The following PAPSS1 variants were observed in gnomAD, a reference collection of about 807,000 sequenced individuals.
PAPSS1 encodes the protein bifunctional 3'-phosphoadenosine 5'-phosphosulfate synthase 1.
PAPSS1 carries 50 observed loss-of-function variants against 72.0 expected under a neutral mutation model. That is an observed-to-expected ratio of 0.69 (90% CI 0.55 to 0.88). The LOEUF (loss-of-function observed/expected upper bound fraction) is 0.88, where lower values mean the gene tolerates loss of function less well. PAPSS1 is among the 40% of genes least tolerant of loss of function. The pLI, the probability that PAPSS1 is intolerant of heterozygous loss-of-function variation, is 0.00. For synonymous variants in PAPSS1, 261 were observed against 263.6 expected (o/e 0.99, Z 0.09); for missense variants, 657 against 782.2 (o/e 0.84, Z 1.91).
intron 2 of PAPSS1, among the ~76,000 whole-genome samples, chr4:107,698,940 G>C (rs1187837634): frequency 6.6e-6 from 1 of 151,954 alleles, no homozygotes; most frequent in Non-Finnish European, 1.5e-5. Context: ...AACTGACCTG[G>C]GGGAAGGGAA....
intron 2 of PAPSS1, among the ~76,000 whole-genome samples, chr4:107,696,298 C>T (rs113569775): frequency 0.016 from 2,373 of 152,150 alleles, 68 homozygotes; most frequent in African/African-American, 0.053. Flanking sequence ...GCACTATTTA[C>T]AATAGCAAAA....
intron 7 of PAPSS1, among the ~76,000 whole-genome samples, chr4:107,656,695 A>G (rs1490492989): frequency 6.6e-6 from 1 of 152,198 alleles, no homozygotes; most frequent in Admixed American, 6.5e-5. Flanking sequence ...TTTGCAATAA[A>G]TAAGAGTCAG....
intron 10 of PAPSS1, among the ~76,000 whole-genome samples, chr4:107,642,091 T>A (rs768663453): frequency 1.3e-5 from 2 of 152,084 alleles, no homozygotes; most frequent in African/African-American, 2.4e-5. Context: ...ACAAAGAATA[T>A]CACAACCCAC....
intron 11 of PAPSS1, among the ~76,000 whole-genome samples, chr4:107,618,608 C>G (rs28411252): frequency 0.24 from 36,383 of 151,568 alleles, 4,981 homozygotes; most frequent in Middle Eastern, 0.33. Context: ...TGGAGAGAGA[C>G]AGAAATGATT....
chr4:107,618,852 G>T (rs565293820), intron 11 of PAPSS1, among the ~76,000 whole-genome samples: 1 of 152,196 alleles, frequency 6.6e-6, no homozygotes, highest in Non-Finnish European at 1.5e-5. Context: ...TATGGAGGGG[G>T]TCCAGATAGC....
intron 9 of PAPSS1, among the ~76,000 whole-genome samples, chr4:107,649,504 A>C (rs1435934026): frequency 2.0e-5 from 3 of 152,196 alleles, no homozygotes; most frequent in Non-Finnish European, 4.4e-5. Flanking sequence ...TTATGCTCAA[A>C]GCCTCATCTG....
intron 11 of PAPSS1, among the ~76,000 whole-genome samples, chr4:107,629,775 T>C (rs1240446165): frequency 6.6e-6 from 1 of 152,208 alleles, no homozygotes; most frequent in African/African-American, 2.4e-5. Context: ...GCTTGTTGAC[T>C]TTCTGGAGGG....
rs749838670 is a variant in PAPSS1 at position 107,631,670 on chromosome 4, T to C, written c.1697A>G (p.Asn566Ser). The C allele has an allele frequency of 1.2e-6, 2 of 1,614,050 alleles. No homozygotes were observed. Among genetic ancestry groups the C allele is most frequent in the Admixed American group, 1.7e-5 (1 of 60,012 alleles). The change falls in exon 11 of 12, where the codon AAC (asparagine) becomes AGC (serine). Residue 566 changes from asparagine (N) to serine (S), a missense_variant. Around this residue, in one of 7 missense-constraint regions of PAPSS1, gnomAD observed 103 missense variants for 93.8 expected, o/e 1.10. Coordinates refer to ENST00000265174, the MANE Select transcript of PAPSS1 (RefSeq NM_005443.5). ...GTAGTCCATACGCTTCTTTTTCTTGTTGTAAGCTGCAACTCGAAAGGGAAC... is the reference window on the plus strand; with the variant it reads ...GTAGTCCATACGCTTCTTTTTCTTGCTGTAAGCTGCAACTCGAAAGGGAAC... Reference protein sequence around the residue: ...EIVPFRVAAYNKKKKRMDYYD... With the variant: ...EIVPFRVAAYSKKKKRMDYYD...
chr4:107,634,955 G>C lies in PAPSS1; in HGVS notation c.1507-3095C>G, dbSNP rs1038929589. Among the ~76,000 whole-genome samples, 3 of 149,564 alleles carry C rather than the reference G, an allele frequency of 2.0e-5. No homozygotes were observed. In the Admixed American group the frequency reaches 2.0e-4, roughly 10 times the overall value. On this transcript the variant is annotated intron_variant, in intron 10 of 11. Transcript: ENST00000265174. ...TGGGACTACAGGCGCCCGCTACCAC[G>C]CCCAGCTAATTTTTTTGTATTTTTA...
At chr4:107,650,740 G>A (rs1270559417) in intron 9 of PAPSS1, among the ~76,000 whole-genome samples, 1 of 152,064 alleles carries the variant, frequency 6.6e-6, no homozygotes, top group Non-Finnish European at 1.5e-5. Flanking sequence ...TGACTCCATG[G>A]TTGGATGAGA....
At chr4:107,652,133 A>C (rs974894686) in intron 9 of PAPSS1, among the ~76,000 whole-genome samples, 2 of 152,180 alleles carry the variant, frequency 1.3e-5, no homozygotes, top group African/African-American at 4.8e-5. Flanking sequence ...TATATACCCC[A>C]AAAAGGCAAA....
intron 5 of PAPSS1, among the ~76,000 whole-genome samples, chr4:107,667,320 A>G (rs1321532646): frequency 1.3e-5 from 2 of 152,144 alleles, no homozygotes; most frequent in Non-Finnish European, 2.9e-5. Context: ...TACTGAGTCT[A>G]TAAGAAACTG....
intron 1 of PAPSS1, among the ~76,000 whole-genome samples, chr4:107,708,322 C>A (rs920290912): frequency 1.1e-4 from 16 of 152,276 alleles, no homozygotes; most frequent in Non-Finnish European, 7.4e-5. Context: ...AGTGGCACCT[C>A]TTTAGCTTTA....
At chr4:107,653,345 A>G (rs1726907165) in intron 9 of PAPSS1, 146 bp downstream of exon 9, 4 of 557,074 alleles carry the variant, frequency 7.2e-6, no homozygotes, top group Non-Finnish European at 1.2e-5. Flanking sequence ...TACCCAGGCT[A>G]GTTTTGATTG....
In PAPSS1 at chr4:107,656,997, T is replaced by C. The variant is rs1727031165; in HGVS notation, c.794A>G (p.Gln265Arg). Residue 265 changes from glutamine to arginine, a missense_variant, in exon 7 of 12, where the codon CAG becomes CGG. Transcript: ENST00000265174. ...PALKINKVDM[Q>R]WVQVLAEGWA... ...ACCTTCTGCCAAAACCTGCACCCAC[T>C]GCATATCCACCTAGTAAATTTGAAA... 4 of 1,612,540 alleles carry C rather than the reference T, an allele frequency of 2.5e-6. No individual in the cohort carries two copies. Among genetic ancestry groups the C allele is most frequent in the Non-Finnish European group, 3.4e-6 (4 of 1,178,596 alleles).
chr4:107,710,125 A>T (rs1164271337), intron 1 of PAPSS1, among the ~76,000 whole-genome samples: 2 of 152,124 alleles, frequency 1.3e-5, no homozygotes, highest in Non-Finnish European at 2.9e-5. Flanking sequence ...ACATGACATT[A>T]ATGACTCATT....
rs149239714 is a variant in PAPSS1, at chr4:107,706,169, T to C, written c.61-4884A>G. Among the ~76,000 whole-genome samples, 274 of 152,352 alleles carry C rather than the reference T, an allele frequency of 1.8e-3. No homozygotes were observed. The Middle Eastern group carries it at 0.024, about 13-fold the overall frequency. On this transcript the variant is annotated intron_variant, in intron 1 of 11. Coordinates refer to ENST00000265174, the MANE Select transcript of PAPSS1 (RefSeq NM_005443.5). ...CTGATTAGAACTTTTGATCTTCCTG[T>C]ACTTATTTATACCTTTCCCCAGATT...
Position 107,659,976 on chromosome 4 carries a change from C to G in PAPSS1, c.766G>C (p.Ala256Pro). The G allele has an allele frequency of 6.3e-7, 1 of 1,590,544 alleles. No individual in the cohort carries two copies. ...LAKTDAETLP[A>P]LKINKVDMQW... is the part of the protein sequence containing the mutation. Reference sequence around the variant, plus strand: ...GAACTTACTTTATTAATTTTCAGTGCTGGTAATGTTTCCGCATCTGTTTTT... The same window carrying G: ...GAACTTACTTTATTAATTTTCAGTGGTGGTAATGTTTCCGCATCTGTTTTT... Residue 256 changes from alanine (A) to proline (P), a missense_variant, in exon 6 of 12, where the codon GCA (alanine) becomes CCA (proline). Physicochemically the swap from Ala to Pro is conservative, Grantham distance 27. Coordinates refer to ENST00000265174, the MANE Select transcript of PAPSS1 (RefSeq NM_005443.5).
At chr4:107,670,944 T>C (rs571528719) in intron 5 of PAPSS1, among the ~76,000 whole-genome samples, 22 of 152,318 alleles carry the variant, frequency 1.4e-4, no homozygotes, top group African/African-American at 5.1e-4. Context: ...AAGATTACTT[T>C]GTGAATATTA....
Sources: allele counts gnomAD v4.1 joint callset (sites outside exome capture counted in the v4.1 genomes callset), GRCh38; gene constraint gnomAD v4.1.1; regional missense constraint gnomAD v4.1.1; transcripts MANE v1.5; gene names NCBI Gene and HGNC (gene_info 2026-07-23, HGNC 2026-07-21).